TMEM120B: variants seen among roughly 807,000 people sequenced by gnomAD.
The protein encoded by TMEM120B is transmembrane protein 120B.
A neutral mutation model predicts 55.5 loss-of-function variants in TMEM120B; 31 were observed. The ratio of observed to expected loss-of-function variants is 0.56; its 90% CI spans 0.42 to 0.75. TMEM120B has a LOEUF of 0.75. TMEM120B is among the 30% of genes least tolerant of loss of function. TMEM120B has a pLI of 0.00. For missense variants in TMEM120B, 399 were observed against 425.5 expected (o/e 0.94, Z 0.55); for synonymous variants, 203 against 176.3 (o/e 1.15, Z -1.20).
At chr12:121,719,287 G>C (rs895073696) in intron 1 of TMEM120B, among the ~76,000 whole-genome samples, 1 of 152,022 alleles carries the variant, frequency 6.6e-6, no homozygotes, top group African/African-American at 2.4e-5. Flanking sequence ...GGCACCTTTT[G>C]GGGGGCTAAT....
chr12:121,716,396 T>C (rs1894703886), intron 1 of TMEM120B, among the ~76,000 whole-genome samples: 1 of 151,372 alleles, frequency 6.6e-6, no homozygotes. Context: ...AGCTTAACAA[T>C]AGGAAGGATT....
chr12:121,780,838 ACGGCTGTGCCCCAGGGTCTTGGCCC>A lies in TMEM120B; in HGVS notation c.*5121_*5145del. On this transcript the variant is annotated 3_prime_UTR_variant, in exon 12 of 12. Coordinates refer to ENST00000449592, the MANE Select transcript of TMEM120B (RefSeq NM_001080825.2). ...CAAAGGTCCGGGAGGCTTCACAGCC[ACGGCTGTGCCCCAGGGTCTTGGCCC>A]CGGCCCACCTGCATGTAGGTGATGG... is the stretch of plus-strand genomic sequence containing the variant. The A allele has an allele frequency of 6.3e-7, 1 of 1,598,718 alleles. No individual in the cohort carries two copies. The highest frequency in any genetic ancestry group is 1.7e-5 in the Admixed American group (1 of 57,784).
chr12:121,719,181 C>T (rs1270541639), intron 1 of TMEM120B, among the ~76,000 whole-genome samples: 1 of 151,396 alleles, frequency 6.6e-6, no homozygotes, highest in South Asian at 2.1e-4. Flanking sequence ...AGTGCCACCA[C>T]ACTACATGAA....
intron 1 of TMEM120B, among the ~76,000 whole-genome samples, chr12:121,739,896 A>C (rs1872881166): frequency 1.4e-5 from 2 of 141,030 alleles, no homozygotes; most frequent in South Asian, 4.4e-4. Flanking sequence ...CTCCTGCCTC[A>C]GCCTCCTGAG....
intron 5 of TMEM120B, among the ~76,000 whole-genome samples, chr12:121,760,988 T>G (rs1178090055): frequency 1.3e-5 from 2 of 150,618 alleles, no homozygotes; most frequent in Non-Finnish European, 3.0e-5. Flanking sequence ...CATTCTTTTG[T>G]TTTTTTTTGG....
At chr12:121,735,100 C>T (rs1325942243) in intron 1 of TMEM120B, among the ~76,000 whole-genome samples, 1 of 149,016 alleles carries the variant, frequency 6.7e-6, no homozygotes, top group African/African-American at 2.5e-5. Flanking sequence ...GCAGGAGAAT[C>T]ACTTGAACCC....
chr12:121,775,206 A>G lies in TMEM120B; in HGVS notation c.906+76A>G, dbSNP rs1377305563. ...GGCAGGGATGGGGTGTATGTGTGGC[A>G]TGCTGGGGTGCGGATTCCTGGGGAG... On this transcript the variant is annotated intron_variant, in intron 11 of 11. Coordinates refer to ENST00000449592, the MANE Select transcript of TMEM120B (RefSeq NM_001080825.2). The surrounding 1 kb of genome is among the most constrained non-coding windows in gnomAD (Gnocchi z 4.3). 3.9e-6 allele frequency: 4 copies of G among 1,018,494 alleles called. No individual in the cohort carries two copies. In the African/African-American group the frequency reaches 5.6e-5, roughly 14 times the overall value. 63.1% of individuals were successfully genotyped at this position (1,018,494 alleles called of 1,614,324 possible). A position where few individuals can be genotyped will look rare whatever the true frequency, so the allele number is the denominator to read the frequency against.
rs1162661391 is a variant in TMEM120B at position 121,752,333 on chromosome 12, G to C, written c.461+110G>C. 3 of 892,524 alleles carry C rather than the reference G, an allele frequency of 3.4e-6. No homozygotes were observed. In the East Asian group the frequency reaches 7.4e-5, roughly 22 times the overall value. The allele number at this position is 892,524 out of a possible 1,614,324, so 55.3% of individuals were successfully genotyped here. On this transcript the variant is annotated intron_variant, in intron 5 of 11. Transcript: ENST00000449592. ...GCCTCTCCTGCTTCTGTGTTGTTTG[G>C]CATGATGAGGTGTAGGGGAGAGAGG...
At chr12:121,768,511 G>GA (rs1403726874) in intron 6 of TMEM120B, among the ~76,000 whole-genome samples, 9 of 151,902 alleles carry the variant, frequency 5.9e-5, no homozygotes, top group Non-Finnish European at 1.0e-4. Context: ...ACCCTGCCTG[G>GA]AAAAAAAAGA....
Position 121,779,322 on chromosome 12 carries a change from G to GT in TMEM120B, c.*3603dup, listed in dbSNP as rs1204811911. 1 of 687,192 alleles carries GT rather than the reference G, an allele frequency of 1.5e-6. No individual in the cohort carries two copies. The highest frequency in any genetic ancestry group is 1.8e-5 in the African/African-American group (1 of 55,370). 42.6% of individuals were successfully genotyped at this position (687,192 alleles called of 1,614,324 possible). ...TGTCCCAGGGGCAGCCTGGAGGGGA[G>GT]TTTGTGGTCAGAGCCCCAGCCAGGA... On this transcript the variant is annotated 3_prime_UTR_variant, in exon 12 of 12. Transcript: ENST00000449592.
intron 1 of TMEM120B, among the ~76,000 whole-genome samples, chr12:121,737,543 G>A (rs193100443): frequency 2.0e-5 from 3 of 152,120 alleles, no homozygotes; most frequent in Admixed American, 1.3e-4. Flanking sequence ...TCTGTCCCAT[G>A]AGGTTGCGTT....
chr12:121,726,152 TG>T (rs1211133071), intron 1 of TMEM120B, among the ~76,000 whole-genome samples: 2 of 152,048 alleles, frequency 1.3e-5, no homozygotes, highest in African/African-American at 4.8e-5. Flanking sequence ...GGGATCTTAT[TG>T]GGTGATAGAA....
At chr12:121,725,321 C>A (rs1894872719) in intron 1 of TMEM120B, among the ~76,000 whole-genome samples, 2 of 152,126 alleles carry the variant, frequency 1.3e-5, no homozygotes, top group African/African-American at 4.8e-5. Context: ...CTGGTGGTCC[C>A]TGCACTGTCT....
At chr12:121,751,430 C>G (rs926981518) in intron 4 of TMEM120B, among the ~76,000 whole-genome samples, 1 of 146,174 alleles carries the variant, frequency 6.8e-6, no homozygotes, top group Non-Finnish European at 1.5e-5. Flanking sequence ...ATCCTACACC[C>G]CAACCCACAC....
At chr12:121,750,087 T>C (rs1254035475) in intron 3 of TMEM120B, among the ~76,000 whole-genome samples, 1 of 152,104 alleles carries the variant, frequency 6.6e-6, no homozygotes, top group Non-Finnish European at 1.5e-5. Flanking sequence ...CTCCACCTCA[T>C]TGGCTATGCT....
intron 1 of TMEM120B, among the ~76,000 whole-genome samples, chr12:121,734,516 C>T (rs1258067061): frequency 6.6e-6 from 1 of 151,976 alleles, no homozygotes; most frequent in Non-Finnish European, 1.5e-5. Context: ...CCTTGGCATC[C>T]GAAAGTGCTG....
chr12:121,743,767 G>T lies in TMEM120B; in HGVS notation c.188+20G>T. On this transcript the variant is annotated intron_variant, in intron 2 of 11. Transcript: ENST00000449592. ...CCAGAGGTAGGTGCAGCTGTAGCCC[G>T]GGGGCTGCCCTGGTTCTGAGGGACA... 2 of 1,546,794 alleles carry T rather than the reference G, an allele frequency of 1.3e-6. No homozygotes were observed. Among genetic ancestry groups the T allele is most frequent in the South Asian group, 2.2e-5 (2 of 89,486 alleles).
chr12:121,745,578 G>A (rs1004276893), intron 2 of TMEM120B, among the ~76,000 whole-genome samples: 2 of 151,896 alleles, frequency 1.3e-5, no homozygotes, highest in Admixed American at 1.3e-4. Flanking sequence ...TTTTACTAGA[G>A]ACAGGGTTTC....
chr12:121,773,256 G>A (rs1430207942), intron 8 of TMEM120B, among the ~76,000 whole-genome samples, 165 bp from the exon 9 acceptor site: 1 of 152,226 alleles, frequency 6.6e-6, no homozygotes, highest in African/African-American at 2.4e-5. Context: ...ACCAGAGTGT[G>A]TGTGTCTGTT....
Sources: allele counts gnomAD v4.1 joint callset (sites outside exome capture counted in the v4.1 genomes callset), GRCh38; gene constraint gnomAD v4.1.1; non-coding constraint Gnocchi (gnomAD v3.1); transcripts MANE v1.5; gene names NCBI Gene and HGNC (gene_info 2026-07-23, HGNC 2026-07-21).